Variants in ARHGAP1 observed in about 807,000 individuals in gnomAD.
ARHGAP1 encodes rho GTPase-activating protein 1.
Under a neutral mutation model 52.2 loss-of-function variants are expected in ARHGAP1, and 23 were observed. The observed-to-expected ratio is 0.44, with a 90% CI of 0.32 to 0.62. ARHGAP1 has a LOEUF of 0.62. ARHGAP1 is among the 20% of genes least tolerant of loss of function. The pLI is 0.05. For missense variants in ARHGAP1, 480 were observed against 560.9 expected (o/e 0.86, Z 1.46); for synonymous variants, 210 against 228.4 (o/e 0.92, Z 0.73).
rs202188321 is a variant in ARHGAP1 at position 46,696,123 on chromosome 11, A to G, written c.-16T>C. ...GCGGATCCATGGCCAAGCCTGTCCC[A>G]GACAGCCTTGCCCTGCAGAACCTTA... is the stretch of plus-strand genomic sequence containing the variant. On this transcript the variant is annotated 5_prime_UTR_variant, in exon 2 of 13. Coordinates refer to ENST00000311956, the MANE Select transcript of ARHGAP1 (RefSeq NM_004308.5). This position sits in a 1 kb window ranked among gnomAD's most constrained non-coding sequence, Gnocchi z 4.8. 5.1e-5 allele frequency: 80 copies of G among 1,581,586 alleles called. No homozygotes were observed. The African/African-American group carries it at 9.0e-4, about 18-fold the overall frequency.
In ARHGAP1 at chr11:46,696,456, C is replaced by G. The variant is rs575227683; in HGVS notation, c.-49-300G>C. ...AGGTCCTGTGCCGCCCGCCACCCAGCTGGCTCAGTGATGCAGTCCCAGCTG... is the reference window on the plus strand; with the variant it reads ...AGGTCCTGTGCCGCCCGCCACCCAGGTGGCTCAGTGATGCAGTCCCAGCTG... On this transcript the variant is annotated intron_variant, in intron 1 of 12. Coordinates refer to ENST00000311956, the MANE Select transcript of ARHGAP1 (RefSeq NM_004308.5). The surrounding 1 kb of genome is among the most constrained non-coding windows in gnomAD (Gnocchi z 4.8). Among the ~76,000 whole-genome samples, 289 of 152,358 alleles carry G rather than the reference C, an allele frequency of 1.9e-3. No individual in the cohort carries two copies. Among genetic ancestry groups the G allele is most frequent in the Non-Finnish European group, 3.2e-3 (216 of 68,032 alleles).
Position 46,681,200 on chromosome 11 carries a change from C to G in ARHGAP1, c.537-91G>C. 1 of 1,540,484 alleles carries G rather than the reference C, an allele frequency of 6.5e-7. No homozygotes were observed. The highest frequency in any genetic ancestry group is 9.0e-7 in the Non-Finnish European group (1 of 1,113,584). The stretch of plus-strand genomic sequence containing the variant: ...ACACCCACCCAGTTCAGACGGAAGC[C>G]CAGCCGCACCTGGTGGTCCCCAGGC... On this transcript the variant is annotated intron_variant, in intron 6 of 12. Coordinates refer to ENST00000311956, the MANE Select transcript of ARHGAP1 (RefSeq NM_004308.5). This position sits in a 1 kb window ranked among gnomAD's most constrained non-coding sequence, Gnocchi z 5.7.
chr11:46,680,039 G>A lies in ARHGAP1; in HGVS notation c.898+166C>T, dbSNP rs940165676. 5.3e-5 allele frequency among the ~76,000 whole-genome samples: 8 copies of A among 152,228 alleles called. No homozygotes were observed. The highest frequency in any genetic ancestry group is 3.3e-4 in the Admixed American group (5 of 15,296). ...ATACCCAGGACCCGGGAGCCCGACCGATGAGGCAGCAGGCCTGGCAGAAGT... is the reference window on the plus strand; with the variant it reads ...ATACCCAGGACCCGGGAGCCCGACCAATGAGGCAGCAGGCCTGGCAGAAGT... On this transcript the variant is annotated intron_variant, in intron 10 of 12. Transcript: ENST00000311956. The surrounding 1 kb of genome is among the most constrained non-coding windows in gnomAD (Gnocchi z 5.9).
intron 3 of ARHGAP1, among the ~76,000 whole-genome samples, chr11:46,689,731 G>A (rs942592423): frequency 2.0e-5 from 3 of 151,924 alleles, no homozygotes; most frequent in Non-Finnish European, 4.4e-5. Flanking sequence ...AGTAGAGACA[G>A]AGTTTCACCA....
intron 4 of ARHGAP1, chr11:46,687,540 G>A (rs1347694591): frequency 6.6e-6 from 1 of 152,338 alleles, no homozygotes; most frequent in Non-Finnish European, 1.5e-5. Context: ...AGAAGGGCAA[G>A]ATGGTCTCAC....
intron 4 of ARHGAP1, among the ~76,000 whole-genome samples, chr11:46,683,830 G>A (rs1208084369): frequency 1.3e-5 from 2 of 152,106 alleles, no homozygotes; most frequent in African/African-American, 4.8e-5. Flanking sequence ...AGTAGAGATG[G>A]GGTTTCTCCA....
At chr11:46,688,456 C>A (rs1487604259) in intron 3 of ARHGAP1, among the ~76,000 whole-genome samples, 196 bp from the exon 4 acceptor site, 4 of 151,912 alleles carry the variant, frequency 2.6e-5, no homozygotes, top group African/African-American at 9.7e-5. Flanking sequence ...GCTTTCAGGG[C>A]TACTGAGCTG....
Position 46,696,593 on chromosome 11 carries a change from G to A in ARHGAP1, c.-49-437C>T, listed in dbSNP as rs2064656693. Among the ~76,000 whole-genome samples the A allele has an allele frequency of 6.6e-6, 1 of 152,370 alleles. No individual in the cohort carries two copies. The highest frequency in any genetic ancestry group is 2.1e-4 in the South Asian group (1 of 4,830). ...TGTAAGAATCTAAGGAACATGCTGG[G>A]CACCGTGGCTCACGCCTGTAATCCC... On this transcript the variant is annotated intron_variant, in intron 1 of 12. Transcript: ENST00000311956. This position sits in a 1 kb window ranked among gnomAD's most constrained non-coding sequence, Gnocchi z 4.8.
At position 46,695,722 on chromosome 11, in the gene ARHGAP1, G is replaced by A. The variant is rs776212753; in HGVS notation, c.167C>T (p.Thr56Ile). 11 of 1,552,226 alleles carry A rather than the reference G, an allele frequency of 7.1e-6. No homozygotes were observed. The South Asian group carries it at 1.3e-4, about 18-fold the overall frequency. Residue 56 changes from threonine (T) to isoleucine (I), a missense_variant, in exon 3 of 13, where the codon ACA becomes ATA. Coordinates refer to ENST00000311956, the MANE Select transcript of ARHGAP1 (RefSeq NM_004308.5). ...DSKSSSPELVTHLKWDDPYYD... is the reference protein window; with the variant it reads ...DSKSSSPELVIHLKWDDPYYD... ...GTATGGGTCATCCCACTTCAGGTGT[G>A]TGACAAGTTCCGGGGAGCTGCTTTT...
At position 46,696,650 on chromosome 11, in the gene ARHGAP1, C is replaced by G. The variant is rs956533714; in HGVS notation, c.-49-494G>C. Among the ~76,000 whole-genome samples the G allele has an allele frequency of 1.3e-5, 2 of 152,226 alleles. No individual in the cohort carries two copies. Among genetic ancestry groups the G allele is most frequent in the Admixed American group, 6.5e-5 (1 of 15,282 alleles). On this transcript the variant is annotated intron_variant, in intron 1 of 12. Coordinates refer to ENST00000311956, the MANE Select transcript of ARHGAP1 (RefSeq NM_004308.5). This position sits in a 1 kb window ranked among gnomAD's most constrained non-coding sequence, Gnocchi z 4.8. ...TTGGGAGGCCGAGGCAGGCGGATCA[C>G]CTGAGGTCAGGAGTTCAAGACTAGC...
chr11:46,679,922 C>T lies in ARHGAP1; in HGVS notation c.899-146G>A. The T allele has an allele frequency of 7.7e-7, 1 of 1,305,220 alleles. No individual in the cohort carries two copies. Among genetic ancestry groups the T allele is most frequent in the Non-Finnish European group, 1.0e-6 (1 of 968,278 alleles). 80.9% of individuals were successfully genotyped at this position (1,305,220 alleles called of 1,614,324 possible). ...GGCGCCCTCTGACACCTGCCTCCCT[C>T]TTCCTCTGTGATCAGAGAATGCAGG... is the stretch of plus-strand genomic sequence containing the variant. On this transcript the variant is annotated intron_variant, in intron 10 of 12. Coordinates refer to ENST00000311956, the MANE Select transcript of ARHGAP1 (RefSeq NM_004308.5). The surrounding 1 kb of genome is among the most constrained non-coding windows in gnomAD (Gnocchi z 4.4).
chr11:46,694,391 C>T (rs941403562), intron 3 of ARHGAP1, among the ~76,000 whole-genome samples: 3 of 152,094 alleles, frequency 2.0e-5, no homozygotes, highest in Non-Finnish European at 4.4e-5. Flanking sequence ...CCAGAGGTTG[C>T]AGTCCAAAGA....
intron 1 of ARHGAP1, chr11:46,697,019 A>T (rs952908365): frequency 6.6e-6 from 1 of 152,140 alleles, no homozygotes; most frequent in African/African-American, 2.4e-5. Flanking sequence ...GCCCACTCTT[A>T]CTCTGCAGGG....
Position 46,680,754 on chromosome 11 carries a change from G to C in ARHGAP1, c.636-7C>G, listed in dbSNP as rs199815861. ...TTTCAGGAAGTCGTCATATCTGTAG[G>C]AGTAGAGGGAGGTGGGTCAGGTCCT... On this transcript the variant is annotated splice_region_variant and splice_polypyrimidine_tract_variant and intron_variant, in intron 7 of 12. Transcript: ENST00000311956. This position sits in a 1 kb window ranked among gnomAD's most constrained non-coding sequence, Gnocchi z 5.9. 110 of 1,533,586 alleles carry C rather than the reference G, an allele frequency of 7.2e-5. No individual in the cohort carries two copies. The African/African-American group carries it at 1.3e-3, about 18-fold the overall frequency. The allele number at this position is 1,533,586 out of a possible 1,614,324, so 95.0% of individuals were successfully genotyped here. A position where few individuals can be genotyped will look rare whatever the true frequency, so the allele number is the denominator to read the frequency against.
At chr11:46,698,879 C>T (rs975429202) in intron 1 of ARHGAP1, among the ~76,000 whole-genome samples, 5 of 152,150 alleles carry the variant, frequency 3.3e-5, no homozygotes, top group African/African-American at 1.2e-4. Context: ...GGAAGTTAAA[C>T]TCCCATTCAG....
Position 46,680,621 on chromosome 11 carries a change from A to G in ARHGAP1, c.743+19T>C, listed in dbSNP as rs749926453. 35 of 1,613,564 alleles carry G rather than the reference A, an allele frequency of 2.2e-5. No homozygotes were observed. The East Asian group carries it at 7.4e-4, about 34-fold the overall frequency. On this transcript the variant is annotated intron_variant, in intron 8 of 12. Transcript: ENST00000311956. The surrounding 1 kb of genome is among the most constrained non-coding windows in gnomAD (Gnocchi z 5.9). ...AGCCCTTCCCGCCCCGCCGTGGCCC[A>G]GCCACCTTTCATACTTACTGCTGCA...
chr11:46,691,278 A>G (rs2064613303), intron 3 of ARHGAP1, among the ~76,000 whole-genome samples: 1 of 151,686 alleles, frequency 6.6e-6, no homozygotes, highest in Non-Finnish European at 1.5e-5. Context: ...TTCTAGTTAT[A>G]TTTCTGTGTT....
Position 46,679,600 on chromosome 11 carries a change from C to G in ARHGAP1, c.1027+48G>C, listed in dbSNP as rs777557410. The G allele has an allele frequency of 1.2e-6, 2 of 1,612,386 alleles. No homozygotes were observed. Among genetic ancestry groups the G allele is most frequent in the Non-Finnish European group, 1.7e-6 (2 of 1,179,124 alleles). ...CCTAGGCCCGAAAGCCTGCAGCGCA[C>G]CTGCCCCAAGTCCAGCCCCAGGCCC... On this transcript the variant is annotated intron_variant, in intron 11 of 12. Transcript: ENST00000311956. The surrounding 1 kb of genome is among the most constrained non-coding windows in gnomAD (Gnocchi z 4.4).
chr11:46,683,352 T>C (rs1024838670), intron 4 of ARHGAP1, among the ~76,000 whole-genome samples: 9 of 151,970 alleles, frequency 5.9e-5, no homozygotes, highest in Non-Finnish European at 1.0e-4. Context: ...GCCGAAAGCC[T>C]GCATTCTTGA....
Sources: allele counts gnomAD v4.1 joint callset (sites outside exome capture counted in the v4.1 genomes callset), GRCh38; gene constraint gnomAD v4.1.1; non-coding constraint Gnocchi (gnomAD v3.1); transcripts MANE v1.5; gene names NCBI Gene and HGNC (gene_info 2026-07-23, HGNC 2026-07-21).